Variants in CFAP100 observed in about 807,000 individuals in gnomAD.
CFAP100 encodes cilia- and flagella-associated protein 100.
A neutral mutation model predicts 81.5 loss-of-function variants in CFAP100; 70 were observed. The observed-to-expected ratio is 0.86, with a 90% CI of 0.71 to 1.05. CFAP100 has a LOEUF of 1.05. CFAP100 is among the 50% of genes least tolerant of loss of function. The probability of loss-of-function intolerance (pLI) is 0.00; values close to 1 mark genes in which losing one functional copy is unlikely to be tolerated. For missense variants in CFAP100, 811 were observed against 776.5 expected, an observed-to-expected ratio of 1.04 and a Z score of -0.53; for synonymous variants, 341 against 314.8, an observed-to-expected ratio of 1.08 and a Z score of -0.88.
chr3:126,419,630 G>T lies in CFAP100; in HGVS notation c.732-7G>T, dbSNP rs201592391. 4 of 1,612,730 alleles carry T rather than the reference G, an allele frequency of 2.5e-6. No homozygotes were observed. The East Asian group carries it at 6.7e-5, about 27-fold the overall frequency. On this transcript the variant is annotated splice_polypyrimidine_tract_variant and splice_region_variant and intron_variant, in intron 8 of 16. Coordinates refer to ENST00000352312, the MANE Select transcript of CFAP100 (RefSeq NM_182628.3). ...CCTTCCCACATCCTCACCCCGCCCC[G>T]GTGTAGTGAGATCTCCAGATTTGAA...
chr3:126,429,687 A>C (rs1933126232), intron 13 of CFAP100, among the ~76,000 whole-genome samples: 1 of 151,116 alleles, frequency 6.6e-6, no homozygotes, highest in Non-Finnish European at 1.5e-5. Flanking sequence ...TTTCAAGCTG[A>C]TAACAAATTT....
At chr3:126,422,145 G>C (rs955782304) in intron 11 of CFAP100, among the ~76,000 whole-genome samples, 9 of 152,208 alleles carry the variant, frequency 5.9e-5, no homozygotes, top group African/African-American at 1.9e-4. Flanking sequence ...AGGGAACATG[G>C]GGGCTGAAGT....
Position 126,418,760 on chromosome 3 carries a change from G to A in CFAP100, c.636G>A (p.Val212=). The stretch of plus-strand genomic sequence containing the variant: ...TCAGGGAGAATGACTGCAGCTCCGT[G>A]CAGGCCATGAGAGCGTGAGCCTGCG... ...EFVRENDCSS[V]QAMRAAEKET... The change falls in exon 7 of 17, where the codon GTG becomes GTA. Residue 212 remains valine, a synonymous_variant. Coordinates refer to ENST00000352312, the MANE Select transcript of CFAP100 (RefSeq NM_182628.3). 3 of 1,594,266 alleles carry A rather than the reference G, an allele frequency of 1.9e-6. No homozygotes were observed. The highest frequency in any genetic ancestry group is 2.3e-5 in the South Asian group (2 of 87,648).
chr3:126,430,383 T>C (rs930235507), intron 13 of CFAP100, among the ~76,000 whole-genome samples: 1 of 152,214 alleles, frequency 6.6e-6, no homozygotes, highest in Non-Finnish European at 1.5e-5. Flanking sequence ...GTTTCTAGTA[T>C]AAAGACAAAT....
chr3:126,396,127 G>A, intron 2 of CFAP100, 78 bp downstream of exon 2: 1 of 1,155,424 alleles, frequency 8.7e-7, no homozygotes, highest in East Asian at 2.3e-5. Flanking sequence ...CACAGGTTAA[G>A]GTAGCTCTAA....
At chr3:126,400,500 TC>T (rs898106414) in intron 2 of CFAP100, among the ~76,000 whole-genome samples, 14 of 151,764 alleles carry the variant, frequency 9.2e-5, no homozygotes, top group Non-Finnish European at 1.8e-4. Context: ...TCGCCTAAAA[TC>T]CCAGCATTTC....
At chr3:126,400,491 C>T (rs373237224) in intron 2 of CFAP100, among the ~76,000 whole-genome samples, 8 of 152,098 alleles carry the variant, frequency 5.3e-5, no homozygotes, top group Non-Finnish European at 1.0e-4. Context: ...CGGTGACTCT[C>T]GCCTAAAATC....
chr3:126,435,910 C>T (rs575001683), intron 16 of CFAP100, among the ~76,000 whole-genome samples: 1 of 152,290 alleles, frequency 6.6e-6, no homozygotes, highest in Admixed American at 6.5e-5. Context: ...GCCAGGTACA[C>T]TCTGCTCAGG....
At chr3:126,416,188 G>A in intron 4 of CFAP100, 128 bp from the exon 5 acceptor site, 1 of 683,528 alleles carries the variant, frequency 1.5e-6, no homozygotes, top group Non-Finnish European at 2.3e-6. Context: ...CTCAGCCCGG[G>A]ACAGCAGTGT....
intron 3 of CFAP100, among the ~76,000 whole-genome samples, chr3:126,411,556 G>C (rs1353191725): frequency 6.6e-6 from 1 of 150,576 alleles, no homozygotes; most frequent in Non-Finnish European, 1.5e-5. Flanking sequence ...CTTTTTTTTT[G>C]TTGGCAATTT....
chr3:126,433,346 TCCAGGAG>T (rs1933306078), intron 14 of CFAP100, 142 bp downstream of exon 14: 1 of 974,230 alleles, frequency 1.0e-6, no homozygotes, highest in East Asian at 2.5e-5. Flanking sequence ...CCTGCCTCCC[TCCAGGAG>T]CCACCACATG....
At chr3:126,403,700 T>C (rs558451271) in intron 2 of CFAP100, among the ~76,000 whole-genome samples, 2 of 152,282 alleles carry the variant, frequency 1.3e-5, no homozygotes, top group South Asian at 2.1e-4. Flanking sequence ...TCCTTTTTTA[T>C]GAGAATGTTT....
At chr3:126,415,242 G>C (rs370709306) in intron 4 of CFAP100, among the ~76,000 whole-genome samples, 1 of 151,736 alleles carries the variant, frequency 6.6e-6, no homozygotes, top group African/African-American at 2.4e-5. Context: ...CACCCAACAG[G>C]GTCACCGAAC....
At chr3:126,414,644 G>C (rs151277485) in intron 4 of CFAP100, among the ~76,000 whole-genome samples, 1 of 152,322 alleles carries the variant, frequency 6.6e-6, no homozygotes, top group South Asian at 2.1e-4. Context: ...CCCACGGCAC[G>C]CACACACGTG....
Position 126,420,118 on chromosome 3 carries a change from A to C in CFAP100, c.971A>C (p.Lys324Thr). ...SMWAKEGQGT[K>T]KPWRFLQTMR... The stretch of plus-strand genomic sequence containing the variant: ...CTTTCTCCAGAGGGTCAGGGTACAA[A>C]GAAGCCCTGGAGGTTTCTGCAGACG... The change falls in exon 11 of 17, where the codon AAG becomes ACG. Residue 324 changes from lysine to threonine, a missense_variant. Transcript: ENST00000352312. The C allele has an allele frequency of 1.9e-6, 3 of 1,613,372 alleles. No homozygotes were observed. Among genetic ancestry groups the C allele is most frequent in the Non-Finnish European group, 2.5e-6 (3 of 1,180,022 alleles).
At position 126,420,149 on chromosome 3, in the gene CFAP100, G is replaced by C; in HGVS notation, c.1002G>C (p.Arg334=). Residue 334 remains arginine (R), a synonymous_variant, in exon 11 of 17, where the codon CGG becomes CGC. Transcript: ENST00000352312. The stretch of plus-strand genomic sequence containing the variant: ...CCTGGAGGTTTCTGCAGACGATGCG[G>C]CTGGGGCGGAGCCCGTCTTACCTGA... ...KKPWRFLQTM[R]LGRSPSYLSS... is the part of the protein sequence containing the mutation. 6.2e-7 allele frequency: 1 copy of C among 1,612,898 alleles called. No homozygotes were observed. Among genetic ancestry groups the C allele is most frequent in the Non-Finnish European group, 8.5e-7 (1 of 1,179,986 alleles).
At chr3:126,423,442 C>T in intron 12 of CFAP100, 51 bp from the exon 13 acceptor site, 1 of 1,609,514 alleles carries the variant, frequency 6.2e-7, no homozygotes. Context: ...CCCACCCCTG[C>T]CCCTCTGGCT....
At chr3:126,405,578 G>A (rs530446892) in intron 2 of CFAP100, among the ~76,000 whole-genome samples, 16 of 152,216 alleles carry the variant, frequency 1.1e-4, no homozygotes, top group African/African-American at 2.2e-4. Flanking sequence ...CAGGAGAATC[G>A]CTTGAACCTG....
intron 2 of CFAP100, among the ~76,000 whole-genome samples, chr3:126,404,004 G>A (rs1360985894): frequency 6.6e-6 from 1 of 152,228 alleles, no homozygotes; most frequent in Non-Finnish European, 1.5e-5. Flanking sequence ...AAATAAGCCA[G>A]TGTCCATCAA....
Sources: allele counts gnomAD v4.1 joint callset (sites outside exome capture counted in the v4.1 genomes callset), GRCh38; gene constraint gnomAD v4.1.1; transcripts MANE v1.5; gene names NCBI Gene and HGNC (gene_info 2026-07-23, HGNC 2026-07-21).